ARIH2: variants seen among roughly 807,000 people sequenced by gnomAD.
The protein encoded by ARIH2 is E3 ubiquitin-protein ligase ARIH2.
In ARIH2, 12 loss-of-function variants were observed where a neutral mutation model predicts 79.8. The observed-to-expected ratio is 0.15, with a 90% CI of 0.10 to 0.24. The LOEUF (loss-of-function observed/expected upper bound fraction) is 0.24. Among genes scored for constraint, ARIH2 ranks in the 10% least tolerant of loss-of-function variants. ARIH2 has a pLI of 1.00. For synonymous variants in ARIH2, 224 were observed against 213.9 expected (o/e 1.05, Z -0.41); for missense variants, 301 against 618.3 (o/e 0.49, Z 5.44).
intron 3 of ARIH2, among the ~76,000 whole-genome samples, chr3:48,937,451 C>T (rs748415921): frequency 5.9e-5 from 9 of 152,166 alleles, no homozygotes; most frequent in Non-Finnish European, 1.3e-4. Context: ...ACTCTTGCCT[C>T]TGTACCACTG....
At chr3:48,944,850 C>G (rs777577113) in intron 3 of ARIH2, 32 of 310,380 alleles carry the variant, frequency 1.0e-4, no homozygotes, top group Admixed American at 4.8e-4. Flanking sequence ...ATCCCTTGTC[C>G]CCCGGACCCA....
intron 3 of ARIH2, among the ~76,000 whole-genome samples, chr3:48,948,611 A>G (rs1288430209): frequency 6.6e-6 from 1 of 152,100 alleles, no homozygotes; most frequent in Non-Finnish European, 1.5e-5. Flanking sequence ...TTTAAAGTGT[A>G]CCATTATTTG....
At chr3:48,981,210 T>A (rs2092737088) in intron 13 of ARIH2, among the ~76,000 whole-genome samples, 1 of 151,466 alleles carries the variant, frequency 6.6e-6, no homozygotes. Flanking sequence ...TGCACACCTG[T>A]AGTCCTGGCT....
chr3:48,957,592 A>G (rs981492129), intron 3 of ARIH2, among the ~76,000 whole-genome samples: 3 of 152,216 alleles, frequency 2.0e-5, no homozygotes, highest in Non-Finnish European at 2.9e-5. Context: ...TGAGACATGT[A>G]GAAGTCAGAA....
intron 1 of ARIH2, chr3:48,919,279 C>G: frequency 1.8e-6 from 2 of 1,111,814 alleles, no homozygotes; most frequent in East Asian, 6.5e-5. Flanking sequence ...GGCCCTCTCT[C>G]CCTGTCTGGC....
chr3:48,976,996 C>G (rs2092542044), intron 11 of ARIH2, among the ~76,000 whole-genome samples: 1 of 151,768 alleles, frequency 6.6e-6, no homozygotes, highest in Non-Finnish European at 1.5e-5. Context: ...GTCAGGAGAT[C>G]GAGACCATCC....
chr3:48,979,758 C>T (rs1446016774), intron 12 of ARIH2, 125 bp downstream of exon 12: 4 of 1,024,220 alleles, frequency 3.9e-6, no homozygotes, highest in Admixed American at 2.5e-5. Context: ...AATGGAGCTC[C>T]TGCAGTATCC....
intron 3 of ARIH2, among the ~76,000 whole-genome samples, chr3:48,941,979 G>A (rs932311169): frequency 3.3e-5 from 5 of 151,104 alleles, no homozygotes; most frequent in African/African-American, 4.9e-5. Flanking sequence ...TCCGCCCCCC[G>A]AGTTCAGGTG....
chr3:48,979,413 C>A, intron 11 of ARIH2, 69 bp from the exon 12 acceptor site: 1 of 1,547,416 alleles, frequency 6.5e-7, no homozygotes, highest in South Asian at 1.2e-5. Flanking sequence ...GTCTGTCTCA[C>A]TCCTCTGCCT....
In ARIH2 at chr3:48,973,770, C is replaced by T; in HGVS notation, c.842C>T (p.Ala281Val). The T allele has an allele frequency of 1.9e-6, 3 of 1,614,052 alleles. No homozygotes were observed. Among genetic ancestry groups the T allele is most frequent in the Non-Finnish European group, 2.5e-6 (3 of 1,179,942 alleles). Residue 281 changes from alanine (A) to valine (V), a missense_variant, in exon 9 of 16, where the codon GCA becomes GTA. By Grantham distance (64) the Ala-to-Val change is moderately conservative. Around this residue, in one of 2 missense-constraint regions of ARIH2, gnomAD observed 78 missense variants for 268.9 expected, o/e 0.29. Coordinates refer to ENST00000356401, the MANE Select transcript of ARIH2 (RefSeq NM_006321.4). ...ATCCGGAAATGGCTCACGAAGTGTG[C>T]AGACGACTCTGAAACAGCCAACTAC... ...ATIRKWLTKC[A>V]DDSETANYIS...
chr3:48,985,596 T>C lies in ARIH2; in HGVS notation c.*2326T>C, dbSNP rs185145071. The C allele has an allele frequency of 7.2e-5, 11 of 152,142 alleles. No individual in the cohort carries two copies. The highest frequency in any genetic ancestry group is 3.4e-3 in the Middle Eastern group (1 of 294). The allele number at this position is 152,142 out of a possible 1,614,324, so 9.4% of individuals were successfully genotyped here. On this transcript the variant is annotated 3_prime_UTR_variant, in exon 16 of 16. Transcript: ENST00000356401. ...AGGTAGTCTTCTGAGCCCACAGGGG[T>C]CTGGCCAGTGAACACCAGAGGAGTG... is the stretch of plus-strand genomic sequence containing the variant.
intron 3 of ARIH2, among the ~76,000 whole-genome samples, chr3:48,959,052 C>T (rs1260304460): frequency 6.6e-6 from 1 of 151,628 alleles, no homozygotes; most frequent in Non-Finnish European, 1.5e-5. Context: ...CGCGGTGGCT[C>T]ACGCCTGTAA....
chr3:48,968,440 C>T, intron 6 of ARIH2, 94 bp from the exon 7 acceptor site: 17 of 1,272,106 alleles, frequency 1.3e-5, no homozygotes, highest in Non-Finnish European at 1.9e-5. Flanking sequence ...AACTCCCGAC[C>T]TCAGGTGATC....
intron 11 of ARIH2, among the ~76,000 whole-genome samples, chr3:48,978,597 G>A (rs1319935999): frequency 6.6e-6 from 1 of 151,026 alleles, no homozygotes; most frequent in East Asian, 1.9e-4. Context: ...GGTATTACAG[G>A]TGTGAGCTAC....
In ARIH2 at chr3:48,980,431, A is replaced by T; in HGVS notation, c.1192A>T (p.Met398Leu). 1 of 1,614,196 alleles carries T rather than the reference A, an allele frequency of 6.2e-7. No individual in the cohort carries two copies. Among genetic ancestry groups the T allele is most frequent in the Non-Finnish European group, 8.5e-7 (1 of 1,180,022 alleles). Residue 398 changes from methionine (M) to leucine (L), a missense_variant, in exon 13 of 16, where the codon ATG (methionine) becomes TTG (leucine). Physicochemically the swap from Met to Leu is conservative, Grantham distance 15. Around this residue, in one of 2 missense-constraint regions of ARIH2, gnomAD observed 78 missense variants for 268.9 expected, o/e 0.29. Coordinates refer to ENST00000356401, the MANE Select transcript of ARIH2 (RefSeq NM_006321.4). ...RIHEKIQERV[M>L]NNLGTWIDWQ... ...TCACGAGAAGATTCAGGAGAGGGTC[A>T]TGAACAATCTGGGGACATGGATCGA... is the stretch of plus-strand genomic sequence containing the variant.
intron 3 of ARIH2, among the ~76,000 whole-genome samples, chr3:48,954,118 G>A (rs1362947256): frequency 1.3e-5 from 2 of 150,956 alleles, no homozygotes; most frequent in East Asian, 2.0e-4. Flanking sequence ...CCAAGATCGC[G>A]CCATTGCATT....
rs951590928 is a variant in ARIH2 at position 48,984,862 on chromosome 3, G to A, written c.*1592G>A. On this transcript the variant is annotated 3_prime_UTR_variant, in exon 16 of 16. Coordinates refer to ENST00000356401, the MANE Select transcript of ARIH2 (RefSeq NM_006321.4). ...GGATAGCTGTGACTCATGGGATCAT[G>A]AGGTCCATGGCTGGTTGCAGGTTCC... The A allele has an allele frequency of 6.6e-5, 10 of 152,264 alleles. No homozygotes were observed. The highest frequency in any genetic ancestry group is 2.4e-4 in the African/African-American group (10 of 41,470). 9.4% of individuals were successfully genotyped at this position (152,264 alleles called of 1,614,324 possible).
At chr3:48,964,626 A>G (rs553597194) in intron 4 of ARIH2, among the ~76,000 whole-genome samples, 10 of 152,134 alleles carry the variant, frequency 6.6e-5, no homozygotes, top group African/African-American at 2.2e-4. Context: ...AGAAGTTTAT[A>G]TATTGAATTA....
At chr3:48,973,575 C>CAAAAAA in intron 8 of ARIH2, 124 bp from the exon 9 acceptor site, 1 of 429,674 alleles carries the variant, frequency 2.3e-6, no homozygotes, top group Non-Finnish European at 3.9e-6. Flanking sequence ...GACTCTGTCT[C>CAAAAAA]AAAAAAAAAA....
Sources: gnomAD v4.1 joint callset for allele counts (sites outside exome capture counted in the v4.1 genomes callset) on GRCh38, gnomAD v4.1.1 for gene constraint, gnomAD v4.1.1 regional missense constraint, MANE v1.5 for transcripts, NCBI Gene and HGNC (gene_info 2026-07-23, HGNC 2026-07-21) for gene names.